PPARGC1A: variants seen among roughly 807,000 people sequenced by gnomAD.
PPARGC1A encodes peroxisome proliferator-activated receptor gamma coactivator 1-alpha.
A neutral mutation model predicts 88.7 loss-of-function variants in PPARGC1A; 25 were observed. That is an observed-to-expected ratio of 0.28 (90% CI 0.21 to 0.39). PPARGC1A has a LOEUF of 0.39. Among genes scored for constraint, PPARGC1A ranks in the 10% least tolerant of loss-of-function variants. The pLI is 1.00. For synonymous variants in PPARGC1A, 363 were observed against 355.6 expected (o/e 1.02, Z -0.24); for missense variants, 880 against 968.7 (o/e 0.91, Z 1.22).
chr4:24,014,156 C>T, the PPARGC1A span, among the ~76,000 whole-genome samples: 1 of 152,124 alleles, frequency 6.6e-6, no homozygotes, highest in Non-Finnish European at 1.5e-5. Flanking sequence ...GAACTTCTCC[C>T]TGTTGCAGTC....
At chr4:23,911,253 G>A in the PPARGC1A span, among the ~76,000 whole-genome samples, 2 of 152,102 alleles carry the variant, frequency 1.3e-5, no homozygotes, top group Non-Finnish European at 2.9e-5. Context: ...CCTGTCCCTA[G>A]CATAGCACTG....
the PPARGC1A span, among the ~76,000 whole-genome samples, chr4:24,023,480 G>A: frequency 1.4e-4 from 22 of 152,200 alleles, no homozygotes; most frequent in African/African-American, 4.8e-4. Context: ...GCTCCCTGCT[G>A]TAGTGTTCAG....
At chr4:24,252,496 T>C in the PPARGC1A span, among the ~76,000 whole-genome samples, 2 of 152,242 alleles carry the variant, frequency 1.3e-5, no homozygotes, top group African/African-American at 4.8e-5. Flanking sequence ...GATAAATGTT[T>C]CCTATTTCTC....
the PPARGC1A span, among the ~76,000 whole-genome samples, chr4:24,131,025 C>A: frequency 6.6e-6 from 1 of 152,162 alleles, no homozygotes; most frequent in Non-Finnish European, 1.5e-5. Flanking sequence ...TAGAACTGAC[C>A]TCTTCCTCAT....
intron 1 of PPARGC1A, among the ~76,000 whole-genome samples, chr4:23,888,201 G>A (rs1040914401): frequency 2.0e-5 from 3 of 152,228 alleles, no homozygotes; most frequent in Non-Finnish European, 4.4e-5. Context: ...TAGTGCAACA[G>A]AGAAGTGACT....
At chr4:24,200,465 C>T in the PPARGC1A span, among the ~76,000 whole-genome samples, 3 of 151,508 alleles carry the variant, frequency 2.0e-5, no homozygotes, top group South Asian at 2.1e-4. Flanking sequence ...GAGCTGAGAT[C>T]GCACCACTGT....
intron 1 of PPARGC1A, among the ~76,000 whole-genome samples, chr4:23,888,648 G>A (rs1458223660): frequency 2.6e-5 from 4 of 152,180 alleles, no homozygotes; most frequent in Non-Finnish European, 5.9e-5. Context: ...CCAAGGCAAG[G>A]GAGGGCAAAT....
chr4:24,178,317 A>G, the PPARGC1A span, among the ~76,000 whole-genome samples: 2 of 152,316 alleles, frequency 1.3e-5, no homozygotes, highest in African/African-American at 2.4e-5. Flanking sequence ...AGGTGTCTGG[A>G]CTTTAAAACA....
At chr4:23,937,911 T>C in the PPARGC1A span, among the ~76,000 whole-genome samples, 14 of 152,302 alleles carry the variant, frequency 9.2e-5, no homozygotes, top group Non-Finnish European at 1.9e-4. Context: ...CCTTTCACAA[T>C]GTCCCAAAGG....
intron 2 of PPARGC1A, among the ~76,000 whole-genome samples, chr4:23,878,526 C>A (rs1454987163): frequency 6.6e-6 from 1 of 152,010 alleles, no homozygotes; most frequent in Admixed American, 6.6e-5. Context: ...GTCAGAACTC[C>A]TGAGCCATAT....
At chr4:24,327,896 G>A in the PPARGC1A span, among the ~76,000 whole-genome samples, 53 of 152,264 alleles carry the variant, frequency 3.5e-4, no homozygotes, top group Middle Eastern at 6.8e-3. Context: ...ATGGCCTGAA[G>A]TAACTGAAGA....
chr4:23,915,666 C>T, the PPARGC1A span, among the ~76,000 whole-genome samples: 15 of 152,126 alleles, frequency 9.9e-5, no homozygotes, highest in South Asian at 6.2e-4. Flanking sequence ...GACATAGACA[C>T]GTGATAGATA....
the PPARGC1A span, among the ~76,000 whole-genome samples, chr4:24,236,551 A>G: frequency 1.3e-5 from 2 of 152,324 alleles, no homozygotes; most frequent in Non-Finnish European, 2.9e-5. Flanking sequence ...TGCACTTGCC[A>G]TGCCAACATC....
At chr4:24,405,361 T>C in the PPARGC1A span, among the ~76,000 whole-genome samples, 1 of 152,214 alleles carries the variant, frequency 6.6e-6, no homozygotes, top group African/African-American at 2.4e-5. Context: ...TGACAGTATC[T>C]GTTTAGTAAC....
chr4:24,136,691 G>A, the PPARGC1A span, among the ~76,000 whole-genome samples: 3 of 152,106 alleles, frequency 2.0e-5, no homozygotes, highest in African/African-American at 7.2e-5. Context: ...CCTGAAAATT[G>A]TAATATTAGA....
At chr4:24,175,813 C>A in the PPARGC1A span, among the ~76,000 whole-genome samples, 30 of 152,012 alleles carry the variant, frequency 2.0e-4, no homozygotes, top group African/African-American at 7.2e-4. Flanking sequence ...CTTATCTTTA[C>A]TCAACAGAAA....
chr4:24,203,986 T>A, the PPARGC1A span, among the ~76,000 whole-genome samples: 1 of 152,204 alleles, frequency 6.6e-6, no homozygotes, highest in African/African-American at 2.4e-5. Context: ...ATTATAGATA[T>A]TGAACTGAAA....
the PPARGC1A span, among the ~76,000 whole-genome samples, chr4:24,075,916 T>C: frequency 6.6e-6 from 1 of 152,144 alleles, no homozygotes; most frequent in Non-Finnish European, 1.5e-5. Context: ...TTCTGACCCA[T>C]GCCAGAGCTT....
At chr4:24,097,976 T>C in the PPARGC1A span, among the ~76,000 whole-genome samples, 2 of 152,214 alleles carry the variant, frequency 1.3e-5, no homozygotes, top group Non-Finnish European at 2.9e-5. Flanking sequence ...GGTCCTGTTA[T>C]TGACAATTAT....
Sources: allele counts gnomAD v4.1 joint callset (sites outside exome capture counted in the v4.1 genomes callset), GRCh38; gene constraint gnomAD v4.1.1; transcripts MANE v1.5; gene names NCBI Gene and HGNC (gene_info 2026-07-23, HGNC 2026-07-21).